KLHL1: variants seen among roughly 807,000 people sequenced by gnomAD.
KLHL1 encodes kelch-like protein 1.
KLHL1 carries 47 observed loss-of-function variants against 77.7 expected under a neutral mutation model. The observed-to-expected ratio is 0.60, with a 90% CI of 0.48 to 0.77. The LOEUF (loss-of-function observed/expected upper bound fraction) is 0.77. Ranked by LOEUF, KLHL1 falls within the 30% of genes least tolerant of loss-of-function variation. KLHL1 has a pLI of 0.00. For synonymous variants in KLHL1, 360 were observed against 325.2 expected (o/e 1.11, Z -1.15); for missense variants, 925 against 910.8 (o/e 1.02, Z -0.20).
chr13:69,990,258 C>G (rs879680597), intron 1 of KLHL1, among the ~76,000 whole-genome samples: 1 of 151,974 alleles, frequency 6.6e-6, no homozygotes, highest in Non-Finnish European at 1.5e-5. Flanking sequence ...AGCAACTACA[C>G]AGGCAAGTCT....
chr13:70,085,174 GAC>G (rs1293818908), intron 1 of KLHL1, among the ~76,000 whole-genome samples: 2 of 152,120 alleles, frequency 1.3e-5, no homozygotes, highest in African/African-American at 4.8e-5. Flanking sequence ...TTGAAAAAGA[GAC>G]AGCAATACAG....
intron 4 of KLHL1, among the ~76,000 whole-genome samples, chr13:69,927,252 T>C (rs1020522302): frequency 3.9e-5 from 6 of 152,034 alleles, no homozygotes; most frequent in African/African-American, 1.2e-4. Flanking sequence ...TCACACCATA[T>C]AAAAATTAAC....
chr13:69,996,822 G>A (rs1222320057), intron 1 of KLHL1, among the ~76,000 whole-genome samples: 1 of 151,152 alleles, frequency 6.6e-6, no homozygotes, highest in Non-Finnish European at 1.5e-5. Context: ...CAAACTTTAA[G>A]TGGCCTATGA....
At position 69,707,810 on chromosome 13, in the gene KLHL1, A is replaced by G. The variant is rs1875695475; in HGVS notation, c.2016-14T>C. The G allele has an allele frequency of 6.2e-7, 1 of 1,608,352 alleles. No individual in the cohort carries two copies. ...TTGGGATCATATCTAAAATTCAATG[A>G]CAATAGTACATAACATATTCTAATC... On this transcript the variant is annotated splice_polypyrimidine_tract_variant and intron_variant, in intron 9 of 10. Transcript: ENST00000377844.
chr13:69,850,314 C>CT (rs935673360), intron 5 of KLHL1, among the ~76,000 whole-genome samples: 4 of 151,460 alleles, frequency 2.6e-5, no homozygotes, highest in African/African-American at 4.8e-5. Flanking sequence ...CTACTTCAAA[C>CT]TTTTTTTTGA....
rs1873939282 is a variant in KLHL1, at chr13:69,740,434, T to C, written c.1762A>G (p.Ile588Val). Residue 588 changes from isoleucine (I) to valine (V), a missense_variant, in exon 8 of 11, where the codon ATT becomes GTT. Coordinates refer to ENST00000377844, the MANE Select transcript of KLHL1 (RefSeq NM_020866.3). ...GCTACACCAACTGTGCTCCGAGCAA[T>C]TGACATACTGGCTACAAATGTCCAT... ...QQWTFVASMS[I>V]ARSTVGVAAL... is the part of the protein sequence containing the mutation. 1.2e-6 allele frequency: 2 copies of C among 1,610,824 alleles called. No homozygotes were observed. Among genetic ancestry groups the C allele is most frequent in the Non-Finnish European group, 1.7e-6 (2 of 1,177,746 alleles).
chr13:69,966,873 C>T (rs1884226808), intron 2 of KLHL1, among the ~76,000 whole-genome samples: 1 of 152,108 alleles, frequency 6.6e-6, no homozygotes, highest in South Asian at 2.1e-4. Context: ...ATTTGTCTTT[C>T]TGTGCCTGGC....
chr13:70,006,858 T>C (rs560112286), intron 1 of KLHL1, among the ~76,000 whole-genome samples: 4 of 152,216 alleles, frequency 2.6e-5, no homozygotes, highest in Non-Finnish European at 1.5e-5. Flanking sequence ...ATATATGTTT[T>C]CTTAATTAGA....
intron 6 of KLHL1, among the ~76,000 whole-genome samples, chr13:69,807,888 C>T (rs1268665145): frequency 6.6e-6 from 1 of 152,116 alleles, no homozygotes; most frequent in Non-Finnish European, 1.5e-5. Flanking sequence ...TGGGTCATTG[C>T]TGGGTGCCCC....
At chr13:69,742,264 T>C (rs1306237579) in intron 7 of KLHL1, among the ~76,000 whole-genome samples, 1 of 152,214 alleles carries the variant, frequency 6.6e-6, no homozygotes, top group Non-Finnish European at 1.5e-5. Flanking sequence ...TTTATGCTTT[T>C]AAGCATGACT....
chr13:69,924,759 C>T (rs1882759797), intron 4 of KLHL1, among the ~76,000 whole-genome samples: 1 of 152,156 alleles, frequency 6.6e-6, no homozygotes, highest in Non-Finnish European at 1.5e-5. Context: ...GGAGCCCAGA[C>T]CTAAGAGCTC....
At position 69,708,175 on chromosome 13, in the gene KLHL1, C is replaced by G. The variant is rs185997990; in HGVS notation, c.2016-379G>C. ...GAAGAAATAGTTAAAAATCTGGGAG[C>G]ATTGTGGAATACTCGACAGATGAAG... On this transcript the variant is annotated intron_variant, in intron 9 of 10. Transcript: ENST00000377844. 4.9e-4 allele frequency among the ~76,000 whole-genome samples: 75 copies of G among 151,982 alleles called. 1 individual carries two copies. The highest frequency in any genetic ancestry group is 1.7e-3 in the African/African-American group (72 of 41,506).
At chr13:69,794,078 G>A (rs1876994181) in intron 7 of KLHL1, among the ~76,000 whole-genome samples, 1 of 152,094 alleles carries the variant, frequency 6.6e-6, no homozygotes, top group Non-Finnish European at 1.5e-5. Flanking sequence ...AGACTTGCTG[G>A]TCATGAATAT....
chr13:69,919,620 C>T (rs1882566238), intron 4 of KLHL1, among the ~76,000 whole-genome samples: 1 of 152,030 alleles, frequency 6.6e-6, no homozygotes, highest in South Asian at 2.1e-4. Flanking sequence ...GTCCAGAGGT[C>T]TAATAGGAAG....
rs35781936 is a variant in KLHL1, at chr13:69,975,774, G to A, written c.526C>T (p.Pro176Ser). The A allele has an allele frequency of 5.8e-3, 9,322 of 1,610,346 alleles. 51 individuals are homozygous for A. The highest frequency in any genetic ancestry group is 7.6e-3 in the South Asian group (685 of 90,612). The change falls in exon 2 of 11, where the codon CCT becomes TCT. Residue 176 changes from proline to serine, a missense_variant. Transcript: ENST00000377844. ...RLSSTGHSMTPQSDLDSSSSE... is the reference protein window; with the variant it reads ...RLSSTGHSMTSQSDLDSSSSE... ...CTACTGGAGTCCAAATCACTTTGAG[G>A]TGTCATTGAATGGCCGGTTGATGAC...
chr13:70,032,133 A>G lies in KLHL1; in HGVS notation c.498-56331T>C, dbSNP rs374412887. On this transcript the variant is annotated intron_variant, in intron 1 of 10. Coordinates refer to ENST00000377844, the MANE Select transcript of KLHL1 (RefSeq NM_020866.3). ...TAAAGGTTTATTGTAAACATTTAAA[A>G]GTATATCATCTGTGTAGTGCTAAGG... 8.5e-5 allele frequency among the ~76,000 whole-genome samples: 13 copies of G among 152,354 alleles called. No individual in the cohort carries two copies. The East Asian group carries it at 1.4e-3, about 16-fold the overall frequency.
At chr13:69,869,806 T>C (rs1880511176) in intron 5 of KLHL1, among the ~76,000 whole-genome samples, 1 of 152,218 alleles carries the variant, frequency 6.6e-6, no homozygotes, top group Non-Finnish European at 1.5e-5. Context: ...CTCTAAGGAA[T>C]ATTTTAAATT....
chr13:69,992,250 G>T (rs1885045641), intron 1 of KLHL1, among the ~76,000 whole-genome samples: 1 of 151,910 alleles, frequency 6.6e-6, no homozygotes, highest in Non-Finnish European at 1.5e-5. Flanking sequence ...TGTATTGAGT[G>T]CCTACTCTCA....
At position 70,074,795 on chromosome 13, in the gene KLHL1, A is replaced by C. The variant is rs529878915; in HGVS notation, c.497+32408T>G. Reference sequence around the variant, plus strand: ...CATAGCCAGTACAATAAAGCAATAAATTAAAATAAAAAACATAAGAACTCA... The same window carrying C: ...CATAGCCAGTACAATAAAGCAATAACTTAAAATAAAAAACATAAGAACTCA... On this transcript the variant is annotated intron_variant, in intron 1 of 10. Coordinates refer to ENST00000377844, the MANE Select transcript of KLHL1 (RefSeq NM_020866.3). Among the ~76,000 whole-genome samples, 28 of 152,192 alleles carry C rather than the reference A, an allele frequency of 1.8e-4. 1 individual carries two copies. Among genetic ancestry groups the C allele is most frequent in the Middle Eastern group, 6.8e-3 (2 of 294 alleles).
Sources: gnomAD v4.1 joint callset for allele counts (sites outside exome capture counted in the v4.1 genomes callset) on GRCh38, gnomAD v4.1.1 for gene constraint, MANE v1.5 for transcripts, NCBI Gene and HGNC (gene_info 2026-07-23, HGNC 2026-07-21) for gene names.